ZMAT4: variants seen among roughly 807,000 people sequenced by gnomAD.
The protein encoded by ZMAT4 is zinc finger matrin-type 4.
Under a neutral mutation model 28.7 loss-of-function variants are expected in ZMAT4, and 17 were observed. The ratio of observed to expected loss-of-function variants is 0.59; its 90% CI spans 0.41 to 0.89. The LOEUF is 0.89. Among genes scored for constraint, ZMAT4 ranks in the 40% least tolerant of loss-of-function variants. The pLI is 0.00. For missense variants in ZMAT4, 240 were observed against 283.8 expected, an observed-to-expected ratio of 0.85 and a Z score of 1.11; for synonymous variants, 117 against 109.2, an observed-to-expected ratio of 1.07 and a Z score of -0.44.
intron 1 of ZMAT4, among the ~76,000 whole-genome samples, chr8:40,864,483 G>A (rs762571873): frequency 1.2e-4 from 19 of 152,170 alleles, no homozygotes; most frequent in Non-Finnish European, 2.2e-4. Context: ...CTATGTAGGT[G>A]GGAAAAGATG....
intron 1 of ZMAT4, among the ~76,000 whole-genome samples, chr8:40,873,460 G>A (rs1817933080): frequency 6.6e-6 from 1 of 152,138 alleles, no homozygotes; most frequent in Non-Finnish European, 1.5e-5. Context: ...CCTTGACTTG[G>A]CCGTGGAATG....
intron 5 of ZMAT4, among the ~76,000 whole-genome samples, chr8:40,668,164 C>A (rs902476971): frequency 6.6e-6 from 1 of 151,972 alleles, no homozygotes; most frequent in Non-Finnish European, 1.5e-5. Context: ...AGTTCCCAGG[C>A]ATCATTAAGA....
intron 6 of ZMAT4, among the ~76,000 whole-genome samples, chr8:40,552,955 C>T (rs1299723651): frequency 6.6e-6 from 1 of 152,162 alleles, no homozygotes; most frequent in Non-Finnish European, 1.5e-5. Flanking sequence ...GAAAGCTAAG[C>T]ACGTGGGAGT....
At chr8:40,662,703 A>G (rs541942129) in intron 5 of ZMAT4, among the ~76,000 whole-genome samples, 13 of 152,300 alleles carry the variant, frequency 8.5e-5, no homozygotes, top group Admixed American at 8.5e-4. Context: ...TTCTTGTTGG[A>G]TTTGAGACTG....
chr8:40,634,169 G>A (rs965141217), intron 5 of ZMAT4, among the ~76,000 whole-genome samples: 1 of 152,140 alleles, frequency 6.6e-6, no homozygotes, highest in Non-Finnish European at 1.5e-5. Flanking sequence ...AAAACAAAAG[G>A]TATGGGCAAA....
At chr8:40,822,981 T>A (rs1235121448) in intron 2 of ZMAT4, among the ~76,000 whole-genome samples, 2 of 152,228 alleles carry the variant, frequency 1.3e-5, no homozygotes, top group Non-Finnish European at 2.9e-5. Flanking sequence ...CAGGAAAACG[T>A]GCAAAATATG....
At chr8:40,743,136 A>C (rs1812084349) in intron 3 of ZMAT4, among the ~76,000 whole-genome samples, 1 of 152,170 alleles carries the variant, frequency 6.6e-6, no homozygotes, top group Non-Finnish European at 1.5e-5. Flanking sequence ...ATTGTACATC[A>C]TTTTGTAATC....
At chr8:40,737,411 G>A (rs533612421) in intron 3 of ZMAT4, among the ~76,000 whole-genome samples, 48 of 152,246 alleles carry the variant, frequency 3.2e-4, no homozygotes, top group African/African-American at 1.1e-3. Context: ...TGGAAGGCAA[G>A]CCAGCCACAG....
At chr8:40,895,604 C>T (rs955759488) in intron 1 of ZMAT4, among the ~76,000 whole-genome samples, 10 of 152,162 alleles carry the variant, frequency 6.6e-5, no homozygotes, top group Non-Finnish European at 7.4e-5. Context: ...CCCACTTGTA[C>T]TTTCCAAGGC....
intron 2 of ZMAT4, among the ~76,000 whole-genome samples, chr8:40,770,262 C>A (rs1250362617): frequency 6.6e-6 from 1 of 152,228 alleles, no homozygotes; most frequent in Non-Finnish European, 1.5e-5. Context: ...CTGCCCACAA[C>A]TTCCAGCAGG....
intron 5 of ZMAT4, among the ~76,000 whole-genome samples, chr8:40,621,431 G>A (rs1806193590): frequency 6.6e-6 from 1 of 152,172 alleles, no homozygotes; most frequent in Non-Finnish European, 1.5e-5. Flanking sequence ...GTGCTAATGA[G>A]CCCAAAATGA....
chr8:40,635,544 G>C (rs1433627952), intron 5 of ZMAT4, among the ~76,000 whole-genome samples: 1 of 152,140 alleles, frequency 6.6e-6, no homozygotes, highest in Non-Finnish European at 1.5e-5. Context: ...CCCAACCTCT[G>C]ATGCAAGTAA....
At chr8:40,658,959 A>G (rs754310734) in intron 5 of ZMAT4, among the ~76,000 whole-genome samples, 1 of 152,110 alleles carries the variant, frequency 6.6e-6, no homozygotes, top group East Asian at 1.9e-4. Context: ...TTTTCTCCAG[A>G]GTTTACAAAT....
intron 2 of ZMAT4, among the ~76,000 whole-genome samples, chr8:40,785,271 G>T (rs1053719517): frequency 6.6e-6 from 1 of 152,154 alleles, no homozygotes; most frequent in Non-Finnish European, 1.5e-5. Context: ...AGCTCTCATT[G>T]TCTTGGCCAC....
rs1253559646 is a variant in ZMAT4 at position 40,532,035 on chromosome 8, AAAAAAGG to A, written c.*181_*187del. ...AATATCATAACTTACCCCAAAATTA[AAAAAAGG>A]AAAAAGAAAAAAGAAACCTCATTCA... On this transcript the variant is annotated 3_prime_UTR_variant, in exon 7 of 7. Transcript: ENST00000297737. 2.2e-6 allele frequency: 1 copy of A among 444,524 alleles called. No homozygotes were observed. The highest frequency in any genetic ancestry group is 3.8e-6 in the Non-Finnish European group (1 of 264,804). The allele number at this position is 444,524 out of a possible 1,614,324, so 27.5% of individuals were successfully genotyped here. A position where few individuals can be genotyped will look rare whatever the true frequency, so the allele number is the denominator to read the frequency against.
chr8:40,695,791 TTTTTTTTTTTTTG>T (rs1809859804), intron 4 of ZMAT4, among the ~76,000 whole-genome samples: 1 of 145,442 alleles, frequency 6.9e-6, no homozygotes, highest in African/African-American at 2.5e-5. Flanking sequence ...TTTTTTTTTT[TTTTTTTTTTTTTG>T]CAGAAAGAAT....
intron 3 of ZMAT4, among the ~76,000 whole-genome samples, chr8:40,723,790 T>C (rs553150667): frequency 3.3e-5 from 5 of 152,128 alleles, no homozygotes; most frequent in Non-Finnish European, 7.4e-5. Context: ...GGCCAGGGGA[T>C]AGATTTTTGC....
chr8:40,704,344 C>T (rs1810266976), intron 3 of ZMAT4, among the ~76,000 whole-genome samples: 1 of 152,208 alleles, frequency 6.6e-6, no homozygotes, highest in African/African-American at 2.4e-5. Context: ...CTCTCTCATG[C>T]ATCCCTTTCC....
intron 6 of ZMAT4, among the ~76,000 whole-genome samples, chr8:40,562,347 G>C (rs1307832505): frequency 6.6e-6 from 1 of 152,136 alleles, no homozygotes; most frequent in Non-Finnish European, 1.5e-5. Context: ...ATTATCAGTG[G>C]TTCCTCAGAG....
Sources: gnomAD v4.1 joint callset for allele counts (sites outside exome capture counted in the v4.1 genomes callset) on GRCh38, gnomAD v4.1.1 for gene constraint, MANE v1.5 for transcripts, NCBI Gene and HGNC (gene_info 2026-07-23, HGNC 2026-07-21) for gene names.